The following DDX11 variants were observed in gnomAD, a reference collection of about 807,000 sequenced individuals.
The protein encoded by DDX11 is ATP-dependent DNA helicase DDX11.
A neutral mutation model predicts 125.2 loss-of-function variants in DDX11; 72 were observed. That is an observed-to-expected ratio of 0.58 (90% CI 0.48 to 0.70). DDX11 has a LOEUF of 0.70. Among genes scored for constraint, DDX11 ranks in the 30% least tolerant of loss-of-function variants. DDX11 has a pLI of 0.00. For missense variants in DDX11, 883 were observed against 1,165.0 expected, an observed-to-expected ratio of 0.76 and a Z score of 3.52; for synonymous variants, 347 against 452.6, an observed-to-expected ratio of 0.77 and a Z score of 2.96.
At chr12:31,100,283 C>T (rs969679759) in intron 18 of DDX11, 16 of 228,052 alleles carry the variant, frequency 7.0e-5, no homozygotes, top group East Asian at 4.6e-4. Context: ...TGGATTTTTG[C>T]CAGTCTAACA....
At chr12:31,099,080 C>CTTTTTTTTTTTTTTTTTTTTTTTTTTTTT (rs1467965765) in intron 18 of DDX11, among the ~76,000 whole-genome samples, 3 of 81,326 alleles carry the variant, frequency 3.7e-5, no homozygotes, top group Admixed American at 1.5e-4. Context: ...TTCTTTCTTT[C>CTTTTTTTTTTTTTTTTTTTTTTTTTTTTT]TTTCTTTTTT....
At position 31,090,080 on chromosome 12, in the gene DDX11, A is replaced by G; in HGVS notation, c.1075A>G (p.Ile359Val). ...TCCCTATTACGGGAGCCGCCTTGCC[A>G]TCCCTGCAGCCCAGGTGAGGGCCCT... ...ACPYYGSRLA[I>V]PAAQLVVLPY... is the part of the protein sequence containing the mutation. Residue 359 changes from isoleucine to valine, a missense_variant, in exon 9 of 27, where the codon ATC becomes GTC. Ile to Val is a conservative substitution (Grantham distance 29). Around this residue, in one of 5 missense-constraint regions of DDX11, gnomAD observed 72 missense variants for 159.7 expected, o/e 0.45. Transcript: ENST00000542838. The G allele has an allele frequency of 6.5e-7, 1 of 1,549,640 alleles. No homozygotes were observed. Among genetic ancestry groups the G allele is most frequent in the East Asian group, 2.4e-5 (1 of 40,926 alleles).
chr12:31,098,084 T>C (rs1357150121), intron 18 of DDX11, 87 bp downstream of exon 18: 14 of 1,149,772 alleles, frequency 1.2e-5, no homozygotes, highest in Non-Finnish European at 1.6e-5. Context: ...TCCTGTTCTC[T>C]CCTGGGGCCC....
In DDX11 at chr12:31,101,033, T is replaced by C; in HGVS notation, c.1955T>C (p.Val652Ala). The C allele has an allele frequency of 1.2e-6, 2 of 1,613,974 alleles. No individual in the cohort carries two copies. The highest frequency in any genetic ancestry group is 1.7e-6 in the Non-Finnish European group (2 of 1,179,824). Residue 652 changes from valine (V) to alanine (A), a missense_variant, in exon 20 of 27, where the codon GTG becomes GCG. By Grantham distance (64) the Val-to-Ala change is moderately conservative (BLOSUM62 0). Transcript: ENST00000542838. ...ERVVEFSCGH[V>A]IPPDNILPLV... ...CCTCCCTGGCTCTTACCAGGTCACG[T>C]GATCCCTCCAGACAACATCCTGCCC...
At chr12:31,096,456 C>G in intron 15 of DDX11, 77 bp downstream of exon 15, 1 of 1,613,296 alleles carries the variant, frequency 6.2e-7, no homozygotes, top group Non-Finnish European at 8.5e-7. Flanking sequence ...GCTTTCCTCC[C>G]CTGCCCTCAG....
At chr12:31,100,010 C>T (rs1293174319) in intron 18 of DDX11, among the ~76,000 whole-genome samples, 1 of 152,214 alleles carries the variant, frequency 6.6e-6, no homozygotes, top group Admixed American at 6.5e-5. Flanking sequence ...GCGTGGTTCT[C>T]TGTTGGACAG....
intron 18 of DDX11, chr12:31,100,274 G>A (rs1383885800): frequency 4.4e-6 from 1 of 227,784 alleles, no homozygotes; most frequent in East Asian, 1.2e-4. Context: ...GGTTACTTTT[G>A]GATTTTTGCC....
chr12:31,097,962 C>T lies in DDX11; in HGVS notation c.1840C>T (p.Arg614Trp), dbSNP rs137929091. The T allele has an allele frequency of 7.2e-5, 117 of 1,613,812 alleles. No individual in the cohort carries two copies. In the East Asian group the frequency reaches 1.2e-3, roughly 16 times the overall value. ...CTTTGCCCAAGTGGTGAAGGAATGC[C>T]GGGCAGTGGTCATTGCGGGGGGTAC... is the stretch of plus-strand genomic sequence containing the variant. ...VHFAQVVKEC[R>W]AVVIAGGTMQ... The change falls in exon 18 of 27, where the codon CGG becomes TGG. Residue 614 changes from arginine (R) to tryptophan (W), a missense_variant. Physicochemically the swap from Arg to Trp is moderately radical, Grantham distance 101. Transcript: ENST00000542838.
intron 2 of DDX11, among the ~76,000 whole-genome samples, chr12:31,083,400 G>GC (rs1319331064): frequency 6.6e-6 from 1 of 152,076 alleles, no homozygotes; most frequent in Non-Finnish European, 1.5e-5. Context: ...CTGCACGAAG[G>GC]CCGCGCGGTC....
intron 18 of DDX11, chr12:31,100,278 T>C: frequency 4.4e-6 from 1 of 226,556 alleles, no homozygotes; most frequent in Non-Finnish European, 8.8e-6. Context: ...ACTTTTGGAT[T>C]TTTGCCAGTC....
At position 31,091,782 on chromosome 12, in the gene DDX11, C is replaced by T. The variant is rs35588475; in HGVS notation, c.1153C>T (p.Leu385=). The T allele has an allele frequency of 0.1, 166,284 of 1,609,886 alleles. 2,440 individuals are homozygous for T. The highest frequency in any genetic ancestry group is 0.18 in the Middle Eastern group (1,078 of 6,024). Residue 385 remains leucine, a synonymous_variant, in exon 10 of 27, where the codon CTG becomes TTG. Coordinates refer to ENST00000542838, the MANE Select transcript of DDX11 (RefSeq NM_030653.4). ...AATRQAAGIR[L]QDQVVIIDEA... ...CACTCGGCAGGCCGCGGGCATCCGGCTGCAGGACCAGGTGGTGATCATCGA... is the reference window on the plus strand; with the variant it reads ...CACTCGGCAGGCCGCGGGCATCCGGTTGCAGGACCAGGTGGTGATCATCGA...
intron 2 of DDX11, among the ~76,000 whole-genome samples, chr12:31,079,511 C>G (rs80318075): frequency 0.46 from 49,521 of 106,510 alleles, 12,384 homozygotes; most frequent in East Asian, 0.78. Context: ...CAAGAAAAGA[C>G]GAGGAGGAGA....
At chr12:31,096,823 C>T (rs770865342) in intron 16 of DDX11, 36 bp from the exon 17 acceptor site, 6 of 1,614,146 alleles carry the variant, frequency 3.7e-6, no homozygotes, top group Non-Finnish European at 5.1e-6. Context: ...TGGACCTGAC[C>T]AGAGGGAGGC....
At chr12:31,074,999 T>C (rs546313849) in intron 1 of DDX11, among the ~76,000 whole-genome samples, 10 of 152,268 alleles carry the variant, frequency 6.6e-5, no homozygotes, top group Admixed American at 3.9e-4. Flanking sequence ...TGAGTGATAA[T>C]TGGGGACTGA....
chr12:31,080,506 G>C (rs1290350143), intron 2 of DDX11, among the ~76,000 whole-genome samples: 4 of 152,126 alleles, frequency 2.6e-5, no homozygotes, highest in African/African-American at 9.7e-5. Flanking sequence ...CCGTCCCTTT[G>C]TTTTCAGTGG....
intron 18 of DDX11, among the ~76,000 whole-genome samples, chr12:31,098,908 C>G (rs1323048147): frequency 6.6e-6 from 1 of 152,002 alleles, no homozygotes; most frequent in African/African-American, 2.4e-5. Flanking sequence ...GGTGTCCTTT[C>G]CCCACACTGG....
chr12:31,087,875 C>G, intron 5 of DDX11, 63 bp from the exon 6 acceptor site: 1 of 1,567,598 alleles, frequency 6.4e-7, no homozygotes. Context: ...TCAGCAGATG[C>G]TCAGTGCGTT....
At chr12:31,091,381 T>C (rs1318159354) in intron 9 of DDX11, 1 of 243,728 alleles carries the variant, frequency 4.1e-6, no homozygotes, top group Non-Finnish European at 7.9e-6. Context: ...CTGGGGCCGC[T>C]TCCTGGTGCA....
chr12:31,087,914 T>C (rs1220310388), intron 5 of DDX11, 24 bp from the exon 6 acceptor site: 5 of 1,606,524 alleles, frequency 3.1e-6, no homozygotes, highest in East Asian at 2.2e-5. Context: ...GAAGACTGTT[T>C]TCTGTTCTCT....
Sources: allele counts gnomAD v4.1 joint callset (sites outside exome capture counted in the v4.1 genomes callset), GRCh38; gene constraint gnomAD v4.1.1; regional missense constraint gnomAD v4.1.1; transcripts MANE v1.5; gene names NCBI Gene and HGNC (gene_info 2026-07-23, HGNC 2026-07-21).